The following ASB18 variants were observed in gnomAD, a reference collection of about 807,000 sequenced individuals.
ASB18 encodes ankyrin repeat and SOCS box protein 18.
In ASB18, 33 loss-of-function variants were observed where a neutral mutation model predicts 33.4. The ratio of observed to expected loss-of-function variants is 0.99; its 90% CI spans 0.75 to 1.32. The LOEUF is 1.32. ASB18 is among the 40% of genes most tolerant of loss of function. The probability of loss-of-function intolerance (pLI) is 0.00; values close to 1 mark genes in which losing one functional copy is unlikely to be tolerated. For synonymous variants in ASB18, 295 were observed against 307.6 expected (o/e 0.96, Z 0.43); for missense variants, 694 against 655.5 (o/e 1.06, Z -0.64).
chr2:236,242,221 T>C (rs2060624296), intron 1 of ASB18, among the ~76,000 whole-genome samples: 1 of 152,184 alleles, frequency 6.6e-6, no homozygotes, highest in Non-Finnish European at 1.5e-5. Flanking sequence ...GTCCATCCTC[T>C]GTCCCCCACG....
rs909362080 is a variant in ASB18, at chr2:236,239,269, C to T, written c.329-1313G>A. On this transcript the variant is annotated intron_variant, in intron 2 of 5. Transcript: ENST00000409749. This position sits in a 1 kb window ranked among gnomAD's most constrained non-coding sequence, Gnocchi z 5.6. ...TACTTACTGCCTTCTCTGGGAAATG[C>T]TAAATCCCCAACCCAGCCCCACCCT... 4.6e-5 allele frequency among the ~76,000 whole-genome samples: 7 copies of T among 152,188 alleles called. No individual in the cohort carries two copies. Among genetic ancestry groups the T allele is most frequent in the South Asian group, 2.1e-4 (1 of 4,830 alleles).
rs972060296 is a variant in ASB18, at chr2:236,200,447, G to A, written c.1102-4062C>T. 2.6e-5 allele frequency among the ~76,000 whole-genome samples: 4 copies of A among 152,358 alleles called. No homozygotes were observed. The highest frequency in any genetic ancestry group is 3.4e-3 in the Middle Eastern group (1 of 294). On this transcript the variant is annotated intron_variant, in intron 4 of 5. Coordinates refer to ENST00000409749, the MANE Select transcript of ASB18 (RefSeq NM_212556.4). The surrounding 1 kb of genome is among the most constrained non-coding windows in gnomAD (Gnocchi z 4.2). Reference sequence around the variant, plus strand: ...GATGTGGGTACAAGGAAACTGACAAGGGTCAGGGCAGCAATGTGGGGTCGT... The same window carrying A: ...GATGTGGGTACAAGGAAACTGACAAAGGTCAGGGCAGCAATGTGGGGTCGT...
At chr2:236,212,613 C>G (rs973481659) in intron 4 of ASB18, among the ~76,000 whole-genome samples, 1 of 151,960 alleles carries the variant, frequency 6.6e-6, no homozygotes, top group African/African-American at 2.4e-5. Flanking sequence ...CATCCTGTAA[C>G]TTTGTTTTCT....
Position 236,194,851 on chromosome 2 carries a change from T to C in ASB18, c.*21A>G, listed in dbSNP as rs1464661049. The C allele has an allele frequency of 1.1e-5, 17 of 1,604,082 alleles. No individual in the cohort carries two copies. Among genetic ancestry groups the C allele is most frequent in the Non-Finnish European group, 1.4e-5 (17 of 1,174,128 alleles). On this transcript the variant is annotated 3_prime_UTR_variant, in exon 6 of 6. Coordinates refer to ENST00000409749, the MANE Select transcript of ASB18 (RefSeq NM_212556.4). This position sits in a 1 kb window ranked among gnomAD's most constrained non-coding sequence, Gnocchi z 4.5. ...AAGGTCAGCGAGGAGAACAACAGTA[T>C]TGGTTGCAGCGTTCTGCGTTTCAGT...
chr2:236,211,417 C>T lies in ASB18; in HGVS notation c.1101+2945G>A, dbSNP rs1369162192. Among the ~76,000 whole-genome samples, 1 of 152,256 alleles carries T rather than the reference C, an allele frequency of 6.6e-6. No individual in the cohort carries two copies. Among genetic ancestry groups the T allele is most frequent in the Non-Finnish European group, 1.5e-5 (1 of 68,044 alleles). Reference sequence around the variant, plus strand: ...GCTCGGAAGGATGCCCTGTGTCCGCCTGCCGCGACGATGGTGCCTTTGTCT... The same window carrying T: ...GCTCGGAAGGATGCCCTGTGTCCGCTTGCCGCGACGATGGTGCCTTTGTCT... On this transcript the variant is annotated intron_variant, in intron 4 of 5. Transcript: ENST00000409749. This position sits in a 1 kb window ranked among gnomAD's most constrained non-coding sequence, Gnocchi z 5.0.
intron 3 of ASB18, among the ~76,000 whole-genome samples, chr2:236,232,658 G>T (rs954519353): frequency 4.5e-4 from 68 of 151,974 alleles, no homozygotes; most frequent in African/African-American, 1.6e-3. Context: ...CAACTTTATG[G>T]CAATAAGTTA....
rs1299375832 is a variant in ASB18, at chr2:236,238,590, GTTTC to G, written c.329-638_329-635del. Among the ~76,000 whole-genome samples, 1 of 137,522 alleles carries G rather than the reference GTTTC, an allele frequency of 7.3e-6. No homozygotes were observed. Among genetic ancestry groups the G allele is most frequent in the African/African-American group, 2.8e-5 (1 of 35,130 alleles). 90.2% of individuals were successfully genotyped at this position (137,522 alleles called of 152,430 possible). A position where few individuals can be genotyped will look rare whatever the true frequency, so the allele number is the denominator to read the frequency against. On this transcript the variant is annotated intron_variant, in intron 2 of 5. Transcript: ENST00000409749. This position sits in a 1 kb window ranked among gnomAD's most constrained non-coding sequence, Gnocchi z 5.2. Reference sequence around the variant, plus strand: ...TCCACATTCAGCACAATCCTGGTTTGTTTCTTTGCGCTTTTTAGGGGTGTGTGTG... The same window carrying G: ...TCCACATTCAGCACAATCCTGGTTTGTTTGCGCTTTTTAGGGGTGTGTGTG...
intron 4 of ASB18, among the ~76,000 whole-genome samples, chr2:236,210,850 T>C (rs191891688): frequency 5.9e-5 from 9 of 152,330 alleles, no homozygotes; most frequent in African/African-American, 2.2e-4. Context: ...TGCGTGCTGC[T>C]ACTGTCAGCT....
Position 236,239,814 on chromosome 2 carries a change from C to T in ASB18, c.328+1466G>A, listed in dbSNP as rs2060613078. On this transcript the variant is annotated intron_variant, in intron 2 of 5. Coordinates refer to ENST00000409749, the MANE Select transcript of ASB18 (RefSeq NM_212556.4). The surrounding 1 kb of genome is among the most constrained non-coding windows in gnomAD (Gnocchi z 5.6). Reference sequence around the variant, plus strand: ...TGGGGCCACTGCTTTCAAACAGGGTCTGGTCGTTTCTGCTGCTGGATCTGC... The same window carrying T: ...TGGGGCCACTGCTTTCAAACAGGGTTTGGTCGTTTCTGCTGCTGGATCTGC... Among the ~76,000 whole-genome samples, 1 of 152,224 alleles carries T rather than the reference C, an allele frequency of 6.6e-6. No homozygotes were observed. Among genetic ancestry groups the T allele is most frequent in the South Asian group, 2.1e-4 (1 of 4,832 alleles).
intron 1 of ASB18, chr2:236,254,265 T>C (rs1559339065): frequency 6.6e-6 from 1 of 152,150 alleles, no homozygotes; most frequent in African/African-American, 2.4e-5. Flanking sequence ...TGGGAAGAAG[T>C]GTTACATGAG....
chr2:236,264,092 G>T lies in ASB18; in HGVS notation c.205+49C>A. 1 of 1,550,980 alleles carries T rather than the reference G, an allele frequency of 6.4e-7. No homozygotes were observed. On this transcript the variant is annotated intron_variant, in intron 1 of 5. Coordinates refer to ENST00000409749, the MANE Select transcript of ASB18 (RefSeq NM_212556.4). This position sits in a 1 kb window ranked among gnomAD's most constrained non-coding sequence, Gnocchi z 5.1. ...CCTCCAGGATCTGCCCACCCCATCA[G>T]TGTAACTTAGTAATTAAATCCCAGA...
In ASB18 at chr2:236,219,169, C is replaced by T. The variant is rs2060500492; in HGVS notation, c.597-4303G>A. ...GAGATTACAGGCATGAGCCACCGTG[C>T]CCTGCCAAAAAACCTAGAAATTTAG... On this transcript the variant is annotated intron_variant, in intron 3 of 5. Transcript: ENST00000409749. The surrounding 1 kb of genome is among the most constrained non-coding windows in gnomAD (Gnocchi z 6.4). Among the ~76,000 whole-genome samples, 1 of 152,116 alleles carries T rather than the reference C, an allele frequency of 6.6e-6. No individual in the cohort carries two copies. Among genetic ancestry groups the T allele is most frequent in the African/African-American group, 2.4e-5 (1 of 41,414 alleles).
rs1045100840 is a variant in ASB18 at position 236,234,886 on chromosome 2, AT to A, written c.596+2802del. Among the ~76,000 whole-genome samples, 5 of 151,790 alleles carry A rather than the reference AT, an allele frequency of 3.3e-5. No homozygotes were observed. The highest frequency in any genetic ancestry group is 2.1e-4 in the South Asian group (1 of 4,794). On this transcript the variant is annotated intron_variant, in intron 3 of 5. Coordinates refer to ENST00000409749, the MANE Select transcript of ASB18 (RefSeq NM_212556.4). The surrounding 1 kb of genome is among the most constrained non-coding windows in gnomAD (Gnocchi z 4.1). ...ATCTGTATGACCTTGGGTTAGGCAG[AT>A]TTTTTTTTAGATATCATAACCCAAC... is the stretch of plus-strand genomic sequence containing the variant.
rs1312117218 is a variant in ASB18, at chr2:236,194,953, G to A, written c.1320C>T (p.Cys440=). The change falls in exon 6 of 6, where the codon TGC becomes TGT. Residue 440 remains cysteine, a synonymous_variant. Transcript: ENST00000409749. The surrounding 1 kb of genome is among the most constrained non-coding windows in gnomAD (Gnocchi z 4.5). ...AGGGTAACAGGGGGATGAGGTCAAA[G>A]CACCTTTTGCCAAACAGTCTGCGAA... ...CALRRLFGKR[C]FDLIPLLPLP... 3 of 1,613,828 alleles carry A rather than the reference G, an allele frequency of 1.9e-6. No homozygotes were observed. Among genetic ancestry groups the A allele is most frequent in the Non-Finnish European group, 2.5e-6 (3 of 1,179,880 alleles).
Position 236,200,585 on chromosome 2 carries a change from G to A in ASB18, c.1102-4200C>T, listed in dbSNP as rs2060396119. Reference sequence around the variant, plus strand: ...TAGCCTGAGGCAAAGAGCCAGCCCAGAGAATGCATGTTCTGCCCTCACTCT... The same window carrying A: ...TAGCCTGAGGCAAAGAGCCAGCCCAAAGAATGCATGTTCTGCCCTCACTCT... On this transcript the variant is annotated intron_variant, in intron 4 of 5. Transcript: ENST00000409749. This position sits in a 1 kb window ranked among gnomAD's most constrained non-coding sequence, Gnocchi z 4.2. Among the ~76,000 whole-genome samples, 1 of 152,168 alleles carries A rather than the reference G, an allele frequency of 6.6e-6. No homozygotes were observed. The highest frequency in any genetic ancestry group is 1.5e-5 in the Non-Finnish European group (1 of 68,038).
intron 3 of ASB18, among the ~76,000 whole-genome samples, chr2:236,218,748 A>G (rs1270090404): frequency 6.7e-6 from 1 of 149,268 alleles, no homozygotes; most frequent in Non-Finnish European, 1.5e-5. Context: ...CAGTGAGCCA[A>G]GATCACACCA....
At chr2:236,230,618 G>A (rs1249904264) in intron 3 of ASB18, among the ~76,000 whole-genome samples, 1 of 151,730 alleles carries the variant, frequency 6.6e-6, no homozygotes, top group African/African-American at 2.4e-5. Flanking sequence ...CTGCCATACA[G>A]TTTTTATACT....
rs2106288838 is a variant in ASB18, at chr2:236,262,988, GT to G, written c.205+1152del. Among the ~76,000 whole-genome samples the G allele has an allele frequency of 6.6e-6, 1 of 152,282 alleles. No homozygotes were observed. Among genetic ancestry groups the G allele is most frequent in the East Asian group, 1.9e-4 (1 of 5,164 alleles). ...CAACTCCCACTCATGTCCCATCTGT[GT>G]TCCTCCTGCATGTTGCGCACACGTG... On this transcript the variant is annotated intron_variant, in intron 1 of 5. Coordinates refer to ENST00000409749, the MANE Select transcript of ASB18 (RefSeq NM_212556.4). The surrounding 1 kb of genome is among the most constrained non-coding windows in gnomAD (Gnocchi z 5.2).
At position 236,244,343 on chromosome 2, in the gene ASB18, A is replaced by G. The variant is rs2060634878; in HGVS notation, c.206-2941T>C. Among the ~76,000 whole-genome samples, 1 of 150,654 alleles carries G rather than the reference A, an allele frequency of 6.6e-6. No homozygotes were observed. Among genetic ancestry groups the G allele is most frequent in the Non-Finnish European group, 1.5e-5 (1 of 68,020 alleles). On this transcript the variant is annotated intron_variant, in intron 1 of 5. Coordinates refer to ENST00000409749, the MANE Select transcript of ASB18 (RefSeq NM_212556.4). The surrounding 1 kb of genome is among the most constrained non-coding windows in gnomAD (Gnocchi z 6.1). The stretch of plus-strand genomic sequence containing the variant: ...GTATGGGCCCAGGAGGGCTAAGCAG[A>G]CCCTCGCCCAGGGAGGCGGGCATAG...
Sources: allele counts gnomAD v4.1 joint callset (sites outside exome capture counted in the v4.1 genomes callset), GRCh38; gene constraint gnomAD v4.1.1; non-coding constraint Gnocchi (gnomAD v3.1); transcripts MANE v1.5; gene names NCBI Gene and HGNC (gene_info 2026-07-23, HGNC 2026-07-21).